Variants in TMEM108 observed in about 807,000 individuals in gnomAD.
The protein encoded by TMEM108 is cancer/testis antigen 124.
Under a neutral mutation model 35.1 loss-of-function variants are expected in TMEM108, and 12 were observed. That is an observed-to-expected ratio of 0.34 (90% CI 0.22 to 0.55). TMEM108 has a LOEUF of 0.55. TMEM108 is among the 20% of genes least tolerant of loss of function. The pLI is 0.89. For synonymous variants in TMEM108, 287 were observed against 308.6 expected (o/e 0.93, Z 0.73); for missense variants, 680 against 753.3 (o/e 0.90, Z 1.14).
intron 2 of TMEM108, among the ~76,000 whole-genome samples, chr3:133,175,887 A>C (rs966403860): frequency 1.3e-5 from 2 of 152,240 alleles, no homozygotes; most frequent in African/African-American, 4.8e-5. Flanking sequence ...AAATTGGATA[A>C]AGAGTCAAGA....
At chr3:133,200,633 A>AT (rs1378078855) in intron 2 of TMEM108, among the ~76,000 whole-genome samples, 5 of 152,164 alleles carry the variant, frequency 3.3e-5, no homozygotes. Flanking sequence ...AGAGCCTAAG[A>AT]AGCATTGCCC....
intron 2 of TMEM108, among the ~76,000 whole-genome samples, chr3:133,066,654 T>C (rs1460563609): frequency 1.3e-5 from 2 of 152,188 alleles, no homozygotes; most frequent in African/African-American, 4.8e-5. Flanking sequence ...TGTTTGTTAA[T>C]CTTTAAAAAG....
chr3:133,102,189 A>G (rs1357397890), intron 2 of TMEM108, among the ~76,000 whole-genome samples: 1 of 152,200 alleles, frequency 6.6e-6, no homozygotes. Flanking sequence ...AGCATACTGT[A>G]GAGATGCCTT....
At chr3:133,395,799 C>A (rs775619261) in intron 5 of TMEM108, 65 bp from the exon 6 acceptor site, 55 of 1,443,614 alleles carry the variant, frequency 3.8e-5, no homozygotes, top group Non-Finnish European at 4.9e-5. Flanking sequence ...GTGTACATTT[C>A]TTTAAGAATG....
At chr3:133,154,717 G>T (rs957053209) in intron 2 of TMEM108, among the ~76,000 whole-genome samples, 18 of 152,024 alleles carry the variant, frequency 1.2e-4, no homozygotes, top group Non-Finnish European at 2.4e-4. Context: ...GTTGTGGGGT[G>T]GGGGGACGGG....
In TMEM108 at chr3:133,154,802, G is replaced by T. The variant is rs374790563; in HGVS notation, c.-46-74464G>T. 1.9e-4 allele frequency among the ~76,000 whole-genome samples: 29 copies of T among 152,182 alleles called. No homozygotes were observed. The South Asian group carries it at 5.0e-3, about 26-fold the overall frequency. On this transcript the variant is annotated intron_variant, in intron 2 of 5. Coordinates refer to ENST00000321871, the MANE Select transcript of TMEM108 (RefSeq NM_023943.4). ...GGTGTAGCACACCAACATGGCACAT[G>T]TATACACATGTAACAAACCTGCACG...
intron 3 of TMEM108, among the ~76,000 whole-genome samples, chr3:133,332,277 G>A (rs1196653778): frequency 6.6e-6 from 1 of 152,188 alleles, no homozygotes; most frequent in Non-Finnish European, 1.5e-5. Flanking sequence ...AGCTCCCAGG[G>A]TCCCTCAGTT....
chr3:133,239,848 G>A (rs1946288804), intron 3 of TMEM108, among the ~76,000 whole-genome samples: 1 of 152,216 alleles, frequency 6.6e-6, no homozygotes, highest in Admixed American at 6.5e-5. Context: ...TTAGGAAGGA[G>A]AATGGAGAGA....
chr3:133,175,969 G>A (rs1251896847), intron 2 of TMEM108, among the ~76,000 whole-genome samples: 1 of 152,158 alleles, frequency 6.6e-6, no homozygotes, highest in African/African-American at 2.4e-5. Context: ...ATAAAGGGAT[G>A]GAGGAAGATC....
chr3:133,060,829 C>T (rs945669266), intron 2 of TMEM108, among the ~76,000 whole-genome samples: 4 of 152,134 alleles, frequency 2.6e-5, no homozygotes, highest in African/African-American at 9.7e-5. Context: ...ATACCCACTA[C>T]ATATTTGTGT....
At chr3:133,047,422 G>GGGA (rs1260045737) in intron 2 of TMEM108, among the ~76,000 whole-genome samples, 1 of 152,182 alleles carries the variant, frequency 6.6e-6, no homozygotes, top group Non-Finnish European at 1.5e-5. Context: ...ACATTGTGGA[G>GGGA]GGAGCCATTC....
intron 2 of TMEM108, among the ~76,000 whole-genome samples, chr3:133,148,026 C>T (rs1360909138): frequency 6.6e-6 from 1 of 152,154 alleles, no homozygotes; most frequent in African/African-American, 2.4e-5. Flanking sequence ...TATTTTAATG[C>T]ATATTTGGAT....
chr3:133,369,293 T>A (rs1423091849), intron 3 of TMEM108, among the ~76,000 whole-genome samples: 2 of 152,030 alleles, frequency 1.3e-5, no homozygotes, highest in African/African-American at 4.8e-5. Flanking sequence ...TCAAGTTGGG[T>A]TTTGGAGATG....
chr3:133,129,170 C>T (rs1373317346), intron 2 of TMEM108, among the ~76,000 whole-genome samples: 1 of 152,160 alleles, frequency 6.6e-6, no homozygotes, highest in Non-Finnish European at 1.5e-5. Context: ...CATGGTGAAA[C>T]CCTGTCTACC....
At chr3:133,352,635 A>C (rs2072038430) in intron 3 of TMEM108, among the ~76,000 whole-genome samples, 1 of 152,192 alleles carries the variant, frequency 6.6e-6, no homozygotes. Context: ...CCATATGCTT[A>C]GTAGCTTACT....
intron 3 of TMEM108, among the ~76,000 whole-genome samples, chr3:133,310,999 T>G (rs1255012986): frequency 6.6e-6 from 1 of 152,234 alleles, no homozygotes; most frequent in Non-Finnish European, 1.5e-5. Context: ...TTTGGCTGGA[T>G]ATGAAATCCT....
chr3:133,204,137 G>A (rs1449549735), intron 2 of TMEM108, among the ~76,000 whole-genome samples: 2 of 151,926 alleles, frequency 1.3e-5, no homozygotes, highest in African/African-American at 4.8e-5. Context: ...GATCAGTGGT[G>A]ACTGATCCTC....
chr3:133,175,537 A>G (rs1263248316), intron 2 of TMEM108, among the ~76,000 whole-genome samples: 12 of 152,134 alleles, frequency 7.9e-5, no homozygotes, highest in Admixed American at 7.9e-4. Flanking sequence ...TAAAGAAAAG[A>G]ATTTTCAACC....
In TMEM108 at chr3:133,150,358, T is replaced by TTTTTC. The variant is rs55938324; in HGVS notation, c.-46-78908_-46-78907insTTTTC. Among the ~76,000 whole-genome samples, 3 of 149,064 alleles carry TTTTTC rather than the reference T, an allele frequency of 2.0e-5. 1 individual carries two copies. The highest frequency in any genetic ancestry group is 2.0e-4 in the Admixed American group (3 of 14,946). On this transcript the variant is annotated intron_variant, in intron 2 of 5. Transcript: ENST00000321871. Reference sequence around the variant, plus strand: ...GGTTATTTGGTTTTTTTTTTTTTTTTGCAATTGAGTTGTTTGAATTTCTTA... The same window carrying TTTTTC: ...GGTTATTTGGTTTTTTTTTTTTTTTTTTTTCGCAATTGAGTTGTTTGAATTTCTTA...
Sources: gnomAD v4.1 joint callset for allele counts (sites outside exome capture counted in the v4.1 genomes callset) on GRCh38, gnomAD v4.1.1 for gene constraint, MANE v1.5 for transcripts, NCBI Gene and HGNC (gene_info 2026-07-23, HGNC 2026-07-21) for gene names.